RCAN2: variants seen among roughly 807,000 people sequenced by gnomAD.
The protein encoded by RCAN2 is calcipressin-2.
Under a neutral mutation model 23.6 loss-of-function variants are expected in RCAN2, and 9 were observed. That is an observed-to-expected ratio of 0.38 (90% CI 0.23 to 0.67). The LOEUF is 0.67. Among genes scored for constraint, RCAN2 ranks in the 30% least tolerant of loss-of-function variants. The pLI is 0.51. For synonymous variants in RCAN2, 109 were observed against 115.7 expected, an observed-to-expected ratio of 0.94 and a Z score of 0.37; for missense variants, 273 against 302.3, an observed-to-expected ratio of 0.90 and a Z score of 0.72.
rs928368036 is a variant in RCAN2 at position 46,462,772 on chromosome 6, A to T, written c.-2-5794T>A. ...CCGGAGGAAGAGACCTTTAGAAGAC[A>T]TCTGATTCTGCTGGATATCATTATT... is the stretch of plus-strand genomic sequence containing the variant. On this transcript the variant is annotated intron_variant, in intron 1 of 4. Transcript: ENST00000371374. Among the ~76,000 whole-genome samples, 4 of 152,356 alleles carry T rather than the reference A, an allele frequency of 2.6e-5. No individual in the cohort carries two copies. The East Asian group carries it at 5.8e-4, about 22-fold the overall frequency.
At chr6:46,331,205 T>A (rs1763959145) in intron 2 of RCAN2, among the ~76,000 whole-genome samples, 1 of 152,210 alleles carries the variant, frequency 6.6e-6, no homozygotes, top group Admixed American at 6.5e-5. Flanking sequence ...AAACTTTTTA[T>A]GAGATATGTT....
intron 2 of RCAN2, among the ~76,000 whole-genome samples, chr6:46,366,660 C>A (rs193085085): frequency 6.6e-6 from 1 of 152,106 alleles, no homozygotes; most frequent in Non-Finnish European, 1.5e-5. Flanking sequence ...CATCACACCA[C>A]CCCCCAACCC....
At chr6:46,468,942 T>G (rs1374283754) in intron 1 of RCAN2, 2 of 636,446 alleles carry the variant, frequency 3.1e-6, no homozygotes, top group Non-Finnish European at 3.9e-6. Context: ...GCTCTTGATC[T>G]GAAAGTAAGT....
chr6:46,236,956 T>C (rs1013756282), intron 4 of RCAN2, among the ~76,000 whole-genome samples: 1 of 152,232 alleles, frequency 6.6e-6, no homozygotes, highest in African/African-American at 2.4e-5. Flanking sequence ...GGTTTCATAA[T>C]ATCTAGTTAT....
chr6:46,444,626 C>T (rs1243190629), intron 2 of RCAN2, among the ~76,000 whole-genome samples: 2 of 152,150 alleles, frequency 1.3e-5, no homozygotes, highest in Non-Finnish European at 2.9e-5. Context: ...CACTCAAAGA[C>T]ACAGGTTCTA....
chr6:46,274,518 CTG>C (rs113879730), intron 2 of RCAN2, among the ~76,000 whole-genome samples: 2,843 of 152,278 alleles, frequency 0.019, 89 homozygotes, highest in African/African-American at 0.065. Context: ...ATGTAGGTCT[CTG>C]AGTATGGGCT....
At chr6:46,277,708 G>T (rs1174751091) in intron 2 of RCAN2, among the ~76,000 whole-genome samples, 2 of 152,112 alleles carry the variant, frequency 1.3e-5, no homozygotes, top group Non-Finnish European at 2.9e-5. Flanking sequence ...GCCAGAGGGA[G>T]GCATAGATGG....
At chr6:46,348,124 T>C (rs949784627) in intron 2 of RCAN2, among the ~76,000 whole-genome samples, 2 of 152,222 alleles carry the variant, frequency 1.3e-5, no homozygotes, top group South Asian at 2.1e-4. Context: ...ATTGAAATCA[T>C]GTTTGTGTCT....
At chr6:46,475,657 G>A (rs2150444120) in intron 1 of RCAN2, among the ~76,000 whole-genome samples, 1 of 152,282 alleles carries the variant, frequency 6.6e-6, no homozygotes, top group Middle Eastern at 3.4e-3. Flanking sequence ...GTTAAGCAGA[G>A]CAGTTGAAAT....
chr6:46,257,667 G>A (rs981376976), intron 2 of RCAN2, among the ~76,000 whole-genome samples: 4 of 152,082 alleles, frequency 2.6e-5, no homozygotes, highest in South Asian at 2.1e-4. Context: ...CTCACTAGAC[G>A]GGTGGGGATT....
chr6:46,390,055 A>G (rs2150397860), intron 2 of RCAN2, among the ~76,000 whole-genome samples: 1 of 151,878 alleles, frequency 6.6e-6, no homozygotes, highest in South Asian at 2.1e-4. Context: ...CTGAAAATTG[A>G]CCAGGCTACT....
chr6:46,349,407 A>C (rs1004422276), intron 2 of RCAN2, among the ~76,000 whole-genome samples: 1 of 152,146 alleles, frequency 6.6e-6, no homozygotes, highest in Non-Finnish European at 1.5e-5. Context: ...GGCCTGTTGC[A>C]GGAGTTGGGA....
intron 2 of RCAN2, among the ~76,000 whole-genome samples, chr6:46,423,719 A>T (rs915831722): frequency 7.9e-5 from 12 of 152,136 alleles, no homozygotes; most frequent in East Asian, 1.9e-4. Flanking sequence ...ATTGTCTTAG[A>T]TAGTTACAAT....
At chr6:46,341,588 G>A (rs1348348221) in intron 2 of RCAN2, among the ~76,000 whole-genome samples, 1 of 152,074 alleles carries the variant, frequency 6.6e-6, no homozygotes, top group Non-Finnish European at 1.5e-5. Flanking sequence ...CATGAGTTCA[G>A]GAGTTTGAGA....
chr6:46,228,089 G>T (rs1348397052), intron 4 of RCAN2, among the ~76,000 whole-genome samples: 1 of 152,188 alleles, frequency 6.6e-6, no homozygotes, highest in Admixed American at 6.5e-5. Context: ...GTGGTTTTTG[G>T]TCAGTTTCTT....
chr6:46,412,719 C>T (rs541316155), intron 2 of RCAN2, among the ~76,000 whole-genome samples: 125 of 152,194 alleles, frequency 8.2e-4, no homozygotes, highest in African/African-American at 2.6e-3. Context: ...TCTGGCAACA[C>T]GAAGGTTGTG....
intron 1 of RCAN2, among the ~76,000 whole-genome samples, chr6:46,463,763 A>G (rs952177921): frequency 8.5e-5 from 13 of 152,232 alleles, no homozygotes; most frequent in Admixed American, 1.3e-4. Context: ...CAAACTAAAA[A>G]GCAAGAATTT....
intron 2 of RCAN2, among the ~76,000 whole-genome samples, chr6:46,376,984 A>C (rs768013455): frequency 5.9e-5 from 9 of 152,320 alleles, no homozygotes; most frequent in Middle Eastern, 6.8e-3. Context: ...TACTGGCCAA[A>C]AAAGAGATGT....
At chr6:46,274,165 C>T (rs975330954) in intron 2 of RCAN2, among the ~76,000 whole-genome samples, 1 of 152,172 alleles carries the variant, frequency 6.6e-6, no homozygotes, top group East Asian at 1.9e-4. Context: ...AGGTATTCAA[C>T]CTGCAAACCT....
Sources: allele counts gnomAD v4.1 joint callset (sites outside exome capture counted in the v4.1 genomes callset), GRCh38; gene constraint gnomAD v4.1.1; transcripts MANE v1.5; gene names NCBI Gene and HGNC (gene_info 2026-07-23, HGNC 2026-07-21).